The following WWOX variants were observed in gnomAD, a reference collection of about 807,000 sequenced individuals.
The protein encoded by WWOX is WW domain containing oxidoreductase.
Under a neutral mutation model 46.2 loss-of-function variants are expected in WWOX, and 69 were observed. That is an observed-to-expected ratio of 1.49 (90% CI 1.23 to 1.82). WWOX has a LOEUF of 1.82. WWOX is among the 40% of genes most tolerant of loss of function. WWOX has a pLI of 0.00. For missense variants in WWOX, 919 were observed against 542.6 expected (o/e 1.69, Z -6.89); for synonymous variants, 359 against 202.6 (o/e 1.77, Z -6.56).
chr16:78,963,437 C>T (rs865850170), intron 8 of WWOX, among the ~76,000 whole-genome samples: 13 of 152,254 alleles, frequency 8.5e-5, no homozygotes, highest in Middle Eastern at 3.4e-3. Flanking sequence ...CTGCTGCACT[C>T]AACTTGGGCG....
At chr16:78,176,255 G>C (rs978222858) in intron 5 of WWOX, among the ~76,000 whole-genome samples, 1 of 152,088 alleles carries the variant, frequency 6.6e-6, no homozygotes, top group Non-Finnish European at 1.5e-5. Flanking sequence ...GAAGATATTG[G>C]GATACTAAAA....
chr16:78,886,776 G>T (rs1206934080), intron 8 of WWOX, among the ~76,000 whole-genome samples: 1 of 151,992 alleles, frequency 6.6e-6, no homozygotes, highest in African/African-American at 2.4e-5. Flanking sequence ...GAAAGGCTAT[G>T]AAATTCTGGT....
intron 8 of WWOX, among the ~76,000 whole-genome samples, chr16:78,660,947 C>T (rs900555565): frequency 5.9e-5 from 9 of 152,168 alleles, no homozygotes; most frequent in African/African-American, 2.2e-4. Flanking sequence ...GATAATATGC[C>T]ATCACATGGT....
In WWOX at chr16:78,696,758, C is replaced by T. The variant is rs1461350146; in HGVS notation, c.1056+264006C>T. Among the ~76,000 whole-genome samples, 6 of 152,228 alleles carry T rather than the reference C, an allele frequency of 3.9e-5. No individual in the cohort carries two copies. The East Asian group carries it at 5.8e-4, about 15-fold the overall frequency. On this transcript the variant is annotated intron_variant, in intron 8 of 8. Coordinates refer to ENST00000566780, the MANE Select transcript of WWOX (RefSeq NM_016373.4). The stretch of plus-strand genomic sequence containing the variant: ...GTGATTGGCGAGACTTTGGTGCACC[C>T]ATCACTCGAGCAGTATACACTGCAT...
At chr16:79,075,599 C>T (rs1005934186) in intron 8 of WWOX, among the ~76,000 whole-genome samples, 2 of 151,432 alleles carry the variant, frequency 1.3e-5, no homozygotes, top group African/African-American at 2.4e-5. Context: ...GTCACCCAGG[C>T]TGGAGTTTAG....
At chr16:79,115,084 G>A (rs965384103) in intron 8 of WWOX, among the ~76,000 whole-genome samples, 3 of 152,194 alleles carry the variant, frequency 2.0e-5, no homozygotes. Context: ...GAAGGGACCA[G>A]GTCCCTCAAT....
At chr16:78,182,304 AAAG>A (rs1203800635) in intron 5 of WWOX, among the ~76,000 whole-genome samples, 2 of 152,100 alleles carry the variant, frequency 1.3e-5, no homozygotes, top group Non-Finnish European at 2.9e-5. Flanking sequence ...CTGGCAAAGA[AAAG>A]AAAAGAAATG....
chr16:79,209,719 G>C (rs1248436322), intron 8 of WWOX, among the ~76,000 whole-genome samples: 1 of 152,170 alleles, frequency 6.6e-6, no homozygotes, highest in Non-Finnish European at 1.5e-5. Flanking sequence ...TGAGTTAGCT[G>C]GATGAGCATC....
chr16:78,368,050 C>T (rs1047470091), intron 5 of WWOX, among the ~76,000 whole-genome samples: 1 of 152,186 alleles, frequency 6.6e-6, no homozygotes, highest in East Asian at 1.9e-4. Context: ...AGCCTCTGTG[C>T]CCGGCTTCTG....
chr16:78,362,230 C>G (rs950467684), intron 5 of WWOX, among the ~76,000 whole-genome samples: 1 of 152,034 alleles, frequency 6.6e-6, no homozygotes, highest in Non-Finnish European at 1.5e-5. Flanking sequence ...ATGTTAGTAT[C>G]AGATGTGTGC....
intron 8 of WWOX, among the ~76,000 whole-genome samples, chr16:78,957,109 C>T (rs575998891): frequency 6.6e-6 from 1 of 152,148 alleles, no homozygotes; most frequent in Non-Finnish European, 1.5e-5. Context: ...ATAGTAAACG[C>T]TCCCACTTTA....
intron 8 of WWOX, among the ~76,000 whole-genome samples, chr16:78,695,408 G>A (rs150027433): frequency 0.013 from 1,987 of 152,188 alleles, 18 homozygotes; most frequent in South Asian, 0.037. Flanking sequence ...CCTATTTGCC[G>A]TGTCTCTTTT....
At chr16:79,027,520 G>C (rs560967402) in intron 8 of WWOX, among the ~76,000 whole-genome samples, 2 of 151,720 alleles carry the variant, frequency 1.3e-5, no homozygotes, top group African/African-American at 4.9e-5. Context: ...CCATCATTTT[G>C]GAATGTCCAA....
chr16:78,726,075 C>G (rs2048825279), intron 8 of WWOX, among the ~76,000 whole-genome samples: 2 of 144,214 alleles, frequency 1.4e-5, no homozygotes, highest in African/African-American at 5.2e-5. Context: ...CTTCCCTTCC[C>G]TCCCTCCCTC....
intron 4 of WWOX, among the ~76,000 whole-genome samples, chr16:78,140,968 C>G (rs944237764): frequency 2.6e-5 from 4 of 152,200 alleles, no homozygotes; most frequent in Non-Finnish European, 5.9e-5. Flanking sequence ...CAGCTCTGCT[C>G]TAGGACCTGG....
intron 8 of WWOX, among the ~76,000 whole-genome samples, chr16:78,789,097 T>C (rs944910751): frequency 1.3e-5 from 2 of 152,164 alleles, no homozygotes; most frequent in African/African-American, 4.8e-5. Flanking sequence ...TAAGAATCCA[T>C]TGTCAAATCC....
intron 8 of WWOX, among the ~76,000 whole-genome samples, chr16:79,048,429 A>T (rs1025779471): frequency 3.9e-5 from 6 of 151,924 alleles, no homozygotes; most frequent in African/African-American, 1.5e-4. Flanking sequence ...GTCCCCCGTG[A>T]TGTAATTAGG....
intron 8 of WWOX, chr16:78,552,001 C>T (rs945683874): frequency 2.0e-5 from 3 of 152,240 alleles, no homozygotes; most frequent in Non-Finnish European, 2.9e-5. Context: ...AGAACTGGCT[C>T]TTGGTTGGGG....
Position 78,313,387 on chromosome 16 carries a change from A to T in WWOX, c.517-73473A>T, listed in dbSNP as rs1003152795. 3.3e-5 allele frequency among the ~76,000 whole-genome samples: 5 copies of T among 152,082 alleles called. No individual in the cohort carries two copies. The South Asian group carries it at 8.3e-4, about 25-fold the overall frequency. ...TGTTTTTCTTTTTTCTTTTTTTGAG[A>T]TGGAGTTTCACTCTTGTTGCCCAGG... On this transcript the variant is annotated intron_variant, in intron 5 of 8. Coordinates refer to ENST00000566780, the MANE Select transcript of WWOX (RefSeq NM_016373.4).
Sources: allele counts gnomAD v4.1 joint callset (sites outside exome capture counted in the v4.1 genomes callset), GRCh38; gene constraint gnomAD v4.1.1; transcripts MANE v1.5; gene names NCBI Gene and HGNC (gene_info 2026-07-23, HGNC 2026-07-21).